Variants in NT5C3A observed in about 807,000 individuals in gnomAD.
NT5C3A encodes 5'-nucleotidase, cytosolic IIIA.
Under a neutral mutation model 40.0 loss-of-function variants are expected in NT5C3A, and 23 were observed. The observed-to-expected ratio is 0.58, with a 90% CI of 0.41 to 0.81. The LOEUF is 0.81. NT5C3A is among the 40% of genes least tolerant of loss of function. The pLI is 0.00. For missense variants in NT5C3A, 328 were observed against 403.0 expected (o/e 0.81, Z 1.59); for synonymous variants, 130 against 141.4 (o/e 0.92, Z 0.57).
At chr7:33,059,049 T>C (rs1362643451) in intron 1 of NT5C3A, among the ~76,000 whole-genome samples, 1 of 152,216 alleles carries the variant, frequency 6.6e-6, no homozygotes, top group Non-Finnish European at 1.5e-5. Context: ...TTATTCCACC[T>C]CTGACAGCTT....
intron 1 of NT5C3A, among the ~76,000 whole-genome samples, chr7:33,060,134 G>A (rs1397267398): frequency 6.6e-6 from 1 of 152,108 alleles, no homozygotes; most frequent in African/African-American, 2.4e-5. Context: ...TTTATTTTCT[G>A]TAGAGAAAGG....
intron 2 of NT5C3A, among the ~76,000 whole-genome samples, chr7:33,026,296 C>T (rs1346351426): frequency 1.5e-5 from 2 of 129,346 alleles, no homozygotes; most frequent in African/African-American, 3.0e-5. Flanking sequence ...TTGCAGTGAG[C>T]CAGGATTGCG....
intron 7 of NT5C3A, 57 bp downstream of exon 7, chr7:33,017,382 A>G (rs1465056538): frequency 1.5e-6 from 2 of 1,353,418 alleles, no homozygotes; most frequent in African/African-American, 1.5e-5. Flanking sequence ...AAATAAATTT[A>G]CATGATTAAA....
intron 3 of NT5C3A, 82 bp downstream of exon 3, chr7:33,023,957 G>C: frequency 1.2e-6 from 1 of 822,692 alleles, no homozygotes; most frequent in Non-Finnish European, 2.1e-6. Flanking sequence ...TAAAAACCCA[G>C]TTATCTCACA....
intron 1 of NT5C3A, among the ~76,000 whole-genome samples, chr7:33,057,172 A>G (rs564033772): frequency 6.6e-6 from 1 of 151,668 alleles, no homozygotes; most frequent in South Asian, 2.1e-4. Flanking sequence ...CAATGCACCC[A>G]GAGTTGGCCT....
At chr7:33,030,625 A>G (rs1786196344) in intron 1 of NT5C3A, among the ~76,000 whole-genome samples, 1 of 152,232 alleles carries the variant, frequency 6.6e-6, no homozygotes, top group Admixed American at 6.5e-5. Context: ...TGGTTGATTG[A>G]TGCCAATCTG....
rs1785397609 is a variant in NT5C3A at position 33,017,471 on chromosome 7, C to T, written c.661G>A (p.Val221Ile). The T allele has an allele frequency of 6.2e-7, 1 of 1,613,118 alleles. No homozygotes were observed. The highest frequency in any genetic ancestry group is 1.7e-5 in the Admixed American group (1 of 59,980). ...QAGVYHPNVK[V>I]VSNFMDFDET... ...TCAAAATCCATAAAATTGGACACAA[C>T]TTTGACATTGGGATGATAAACACCA... Residue 221 changes from valine to isoleucine, a missense_variant, in exon 7 of 9, where the codon GTT (valine) becomes ATT (isoleucine). Transcript: ENST00000610140.
chr7:33,044,294 T>C (rs1431976993), intron 1 of NT5C3A, among the ~76,000 whole-genome samples: 1 of 152,102 alleles, frequency 6.6e-6, no homozygotes, highest in East Asian at 1.9e-4. Flanking sequence ...AGTAAGAATG[T>C]TTAAAAAATA....
chr7:33,033,219 G>A (rs1786380993), intron 1 of NT5C3A, among the ~76,000 whole-genome samples: 1 of 152,204 alleles, frequency 6.6e-6, no homozygotes, highest in Non-Finnish European at 1.5e-5. Flanking sequence ...CTTCATTACT[G>A]CAGTGGTACA....
At chr7:33,061,149 T>C (rs1034605192) in intron 1 of NT5C3A, among the ~76,000 whole-genome samples, 5 of 152,282 alleles carry the variant, frequency 3.3e-5, no homozygotes, top group South Asian at 2.1e-4. Context: ...CAGGGAGATA[T>C]GGCAACTCGG....
At chr7:33,051,120 C>T (rs1258255937) in intron 1 of NT5C3A, among the ~76,000 whole-genome samples, 5 of 151,978 alleles carry the variant, frequency 3.3e-5, no homozygotes, top group African/African-American at 1.2e-4. Flanking sequence ...TTTAATAACT[C>T]TCTCTAAATA....
intron 1 of NT5C3A, among the ~76,000 whole-genome samples, chr7:33,052,417 C>T (rs1208914477): frequency 1.5e-5 from 2 of 134,684 alleles, no homozygotes; most frequent in East Asian, 4.4e-4. Flanking sequence ...AGCTGGGAGA[C>T]AGAGGTTGCA....
intron 1 of NT5C3A, 139 bp downstream of exon 1, chr7:33,062,429 T>C: frequency 1.3e-6 from 1 of 752,190 alleles, no homozygotes; most frequent in Admixed American, 2.7e-5. Context: ...CGTCCCGAGC[T>C]AGCGAGATCC....
chr7:33,058,638 G>A (rs1018077645), intron 1 of NT5C3A, among the ~76,000 whole-genome samples: 1 of 152,160 alleles, frequency 6.6e-6, no homozygotes, highest in Non-Finnish European at 1.5e-5. Context: ...GGCGGGAGCC[G>A]CCGCGCCTGG....
chr7:33,018,598 C>T (rs1321333346), intron 6 of NT5C3A, among the ~76,000 whole-genome samples: 1 of 152,132 alleles, frequency 6.6e-6, no homozygotes, highest in Admixed American at 6.5e-5. Context: ...CGCCTGTAAC[C>T]CCAGCACTTT....
At chr7:33,031,048 C>T (rs535628931) in intron 1 of NT5C3A, among the ~76,000 whole-genome samples, 57 of 148,160 alleles carry the variant, frequency 3.8e-4, no homozygotes, top group Admixed American at 2.8e-3. Flanking sequence ...TGCAGTGAGC[C>T]GAGATCGCGC....
At chr7:33,052,682 T>C (rs535195534) in intron 1 of NT5C3A, among the ~76,000 whole-genome samples, 3 of 152,186 alleles carry the variant, frequency 2.0e-5, no homozygotes, top group Admixed American at 2.0e-4. Flanking sequence ...GATTCTATTA[T>C]TTGTGAGCAA....
chr7:33,052,207 G>A (rs539713527), intron 1 of NT5C3A, among the ~76,000 whole-genome samples: 5 of 152,164 alleles, frequency 3.3e-5, no homozygotes, highest in South Asian at 2.1e-4. Context: ...AACATAGCCC[G>A]GTACAGTGGC....
chr7:33,016,205 G>A (rs192249339), intron 7 of NT5C3A, among the ~76,000 whole-genome samples: 100 of 151,670 alleles, frequency 6.6e-4, no homozygotes, highest in Non-Finnish European at 1.2e-3. Flanking sequence ...GTGCAACCCC[G>A]CCTCACTAAA....
Sources: gnomAD v4.1 joint callset for allele counts (sites outside exome capture counted in the v4.1 genomes callset) on GRCh38, gnomAD v4.1.1 for gene constraint, MANE v1.5 for transcripts, NCBI Gene and HGNC (gene_info 2026-07-23, HGNC 2026-07-21) for gene names.